Variants in TOMM20L observed in about 807,000 individuals in gnomAD.
TOMM20L encodes translocase of outer mitochondrial membrane 20 like.
In TOMM20L, 19 loss-of-function variants were observed where a neutral mutation model predicts 20.4. The ratio of observed to expected loss-of-function variants is 0.93; its 90% CI spans 0.65 to 1.36. The LOEUF (loss-of-function observed/expected upper bound fraction) is 1.36, where lower values mean the gene tolerates loss of function less well. Ranked by LOEUF, TOMM20L falls within the 40% of genes most tolerant of loss-of-function variation. The probability of loss-of-function intolerance (pLI) is 0.00; values close to 1 mark genes in which losing one functional copy is unlikely to be tolerated. For synonymous variants in TOMM20L, 75 were observed against 79.6 expected (o/e 0.94, Z 0.30); for missense variants, 218 against 203.7 (o/e 1.07, Z -0.43).
At position 58,401,891 on chromosome 14, in the gene TOMM20L, T is replaced by TA. The variant is rs2035997887; in HGVS notation, c.181-788dup. ...GTCCCTTTCCTTTTGAGGGTGTGAG[T>TA]ACAGAAGGCTTAGCATAGTTTTTTG... On this transcript the variant is annotated intron_variant, in intron 2 of 4. Transcript: ENST00000360945. Among the ~76,000 whole-genome samples, 4 of 152,144 alleles carry TA rather than the reference T, an allele frequency of 2.6e-5. No individual in the cohort carries two copies. In the South Asian group the frequency reaches 6.2e-4, roughly 24 times the overall value.
At position 58,408,644 on chromosome 14, in the gene TOMM20L, C is replaced by T. The variant is rs534171429; in HGVS notation, c.*62C>T. ...CTATGGTACCATACAGTATAAACAACTGCTCAGTGATATTTCCATTTATTT... is the reference window on the plus strand; with the variant it reads ...CTATGGTACCATACAGTATAAACAATTGCTCAGTGATATTTCCATTTATTT... On this transcript the variant is annotated 3_prime_UTR_variant, in exon 5 of 5. Coordinates refer to ENST00000360945, the MANE Select transcript of TOMM20L (RefSeq NM_207377.3). The T allele has an allele frequency of 2.5e-5, 37 of 1,461,018 alleles. No individual in the cohort carries two copies. Among genetic ancestry groups the T allele is most frequent in the Non-Finnish European group, 3.0e-5 (32 of 1,067,022 alleles). The allele number at this position is 1,461,018 out of a possible 1,614,324, so 90.5% of individuals were successfully genotyped here.
At chr14:58,412,142 TA>T (rs1243746644), downstream of TOMM20L, 3 of 529,470 alleles carry the variant, frequency 5.7e-6, no homozygotes, top group East Asian at 9.5e-5. Flanking sequence ...AGTTGAGAAT[TA>T]GATTTTCTTT....
chr14:58,396,820 C>T (rs2035932008), intron 2 of TOMM20L, among the ~76,000 whole-genome samples: 1 of 152,186 alleles, frequency 6.6e-6, no homozygotes, highest in South Asian at 2.1e-4. Context: ...GCGGGCCGGG[C>T]TTGGTGGCTC....
intron 3 of TOMM20L, among the ~76,000 whole-genome samples, chr14:58,403,602 G>T (rs896451856): frequency 6.6e-6 from 1 of 152,090 alleles, no homozygotes; most frequent in Non-Finnish European, 1.5e-5. Context: ...ACTTTGGGAG[G>T]CCGAGGTGGG....
chr14:58,401,165 A>G (rs996993337), intron 2 of TOMM20L, among the ~76,000 whole-genome samples: 2 of 152,176 alleles, frequency 1.3e-5, no homozygotes, highest in South Asian at 2.1e-4. Context: ...TTGGTCTCCA[A>G]TTCCTTCCAG....
intron 2 of TOMM20L, among the ~76,000 whole-genome samples, chr14:58,399,885 CAT>C (rs869260438): frequency 0.19 from 7,062 of 36,948 alleles, 339 homozygotes; most frequent in Non-Finnish European, 0.21. Context: ...TGCTCTATTG[CAT>C]ATATATATAT....
chr14:58,413,243 A>G (rs2036279859), downstream of TOMM20L, among the ~76,000 whole-genome samples: 1 of 152,200 alleles, frequency 6.6e-6, no homozygotes. Flanking sequence ...TATTGTTGAA[A>G]AAGTAGATTC....
chr14:58,410,862 C>G (rs746374677), downstream of TOMM20L: 1 of 1,609,380 alleles, frequency 6.2e-7, no homozygotes, highest in Non-Finnish European at 8.5e-7. Flanking sequence ...TTTTACTTCT[C>G]TTGTTGTGAA....
At chr14:58,414,583 CA>C in the TOMM20L span, among the ~76,000 whole-genome samples, 1 of 151,462 alleles carries the variant, frequency 6.6e-6, no homozygotes, top group East Asian at 1.9e-4. Context: ...ACTGAAAATA[CA>C]AAAATTAGCC....
intron 3 of TOMM20L, among the ~76,000 whole-genome samples, chr14:58,406,288 A>G (rs1033012317): frequency 6.6e-6 from 1 of 152,242 alleles, no homozygotes; most frequent in African/African-American, 2.4e-5. Context: ...AGGCACCATT[A>G]TATCTTATGT....
At chr14:58,397,696 A>G (rs535516606) in intron 2 of TOMM20L, among the ~76,000 whole-genome samples, 2 of 152,276 alleles carry the variant, frequency 1.3e-5, no homozygotes, top group South Asian at 4.1e-4. Flanking sequence ...AGTGGGTGGT[A>G]AGGTTGGAGA....
At chr14:58,416,063 A>G in the TOMM20L span, among the ~76,000 whole-genome samples, 1 of 151,466 alleles carries the variant, frequency 6.6e-6, no homozygotes, top group Non-Finnish European at 1.5e-5. Context: ...TGAAAAAAAA[A>G]AAAAAAATAC....
At chr14:58,408,759 GT>G, downstream of TOMM20L, 2 of 724,626 alleles carry the variant, frequency 2.8e-6, no homozygotes, top group Non-Finnish European at 4.3e-6. Flanking sequence ...AGAAACAATG[GT>G]TTATTTTTCT....
chr14:58,396,139 G>T, intron 1 of TOMM20L, 46 bp downstream of exon 1: 1 of 1,277,014 alleles, frequency 7.8e-7, no homozygotes. Context: ...GGCAGCGCGG[G>T]CGGGCTGCCG....
intron 3 of TOMM20L, among the ~76,000 whole-genome samples, chr14:58,404,875 T>C (rs980571950): frequency 6.6e-6 from 1 of 152,196 alleles, no homozygotes; most frequent in African/African-American, 2.4e-5. Flanking sequence ...TAGAACTGAC[T>C]TAAATGATTA....
At position 58,396,278 on chromosome 14, in the gene TOMM20L, G is replaced by A. The variant is rs2035917010; in HGVS notation, c.137-20G>A. The A allele has an allele frequency of 9.3e-6, 15 of 1,612,762 alleles. No homozygotes were observed. The highest frequency in any genetic ancestry group is 1.2e-5 in the Non-Finnish European group (14 of 1,179,688). Reference sequence around the variant, plus strand: ...TCTGGACGGGCCTCCCAGCCAGCATGTGCCGTGTTGTGTTCGCAGAAAGAA... The same window carrying A: ...TCTGGACGGGCCTCCCAGCCAGCATATGCCGTGTTGTGTTCGCAGAAAGAA... On this transcript the variant is annotated intron_variant, in intron 1 of 4. Coordinates refer to ENST00000360945, the MANE Select transcript of TOMM20L (RefSeq NM_207377.3).
rs1266602848 is a variant in TOMM20L, at chr14:58,395,984, C to T, written c.27C>T (p.Arg9=). 2 of 1,453,978 alleles carry T rather than the reference C, an allele frequency of 1.4e-6. No individual in the cohort carries two copies. The highest frequency in any genetic ancestry group is 2.2e-5 in the Admixed American group (1 of 44,484). The allele number at this position is 1,453,978 out of a possible 1,614,324, so 90.1% of individuals were successfully genotyped here. Residue 9 remains arginine (R), a synonymous_variant, in exon 1 of 5, where the codon CGC becomes CGT. Transcript: ENST00000360945. MPSVRSLL[R]LLAAAAACGA... ...TGCCCTCCGTCCGCTCCCTCCTCCG[C>T]CTCTTGGCCGCCGCGGCGGCCTGTG...
At chr14:58,400,278 G>A (rs1295035135) in intron 2 of TOMM20L, among the ~76,000 whole-genome samples, 1 of 151,740 alleles carries the variant, frequency 6.6e-6, no homozygotes, top group Non-Finnish European at 1.5e-5. Flanking sequence ...GGTGGCGCAC[G>A]CCTATAGTCC....
the TOMM20L span, among the ~76,000 whole-genome samples, chr14:58,415,882 G>T: frequency 1.6e-4 from 25 of 152,050 alleles, no homozygotes; most frequent in African/African-American, 6.0e-4. Context: ...GCATAAACCC[G>T]ATGAAACCTA....
Sources: gnomAD v4.1 joint callset for allele counts (sites outside exome capture counted in the v4.1 genomes callset) on GRCh38, gnomAD v4.1.1 for gene constraint, MANE v1.5 for transcripts, NCBI Gene and HGNC (gene_info 2026-07-23, HGNC 2026-07-21) for gene names.